PRKG1: variants seen among roughly 807,000 people sequenced by gnomAD.
PRKG1 encodes cGMP-dependent protein kinase 1.
In PRKG1, 35 loss-of-function variants were observed where a neutral mutation model predicts 88.1. The observed-to-expected ratio is 0.40, with a 90% confidence interval of 0.30 to 0.53. PRKG1 has a LOEUF of 0.53. Ranked by LOEUF, PRKG1 falls within the 20% of genes least tolerant of loss-of-function variation. The probability of loss-of-function intolerance (pLI) is 0.59; values close to 1 mark genes in which losing one functional copy is unlikely to be tolerated. For synonymous variants in PRKG1, 303 were observed against 292.5 expected (o/e 1.04, Z -0.37); for missense variants, 540 against 839.8 (o/e 0.64, Z 4.41).
chr10:51,936,170 A>G (rs185425070), intron 5 of PRKG1, among the ~76,000 whole-genome samples: 86 of 151,930 alleles, frequency 5.7e-4, no homozygotes, highest in African/African-American at 2.0e-3. Flanking sequence ...CTTCTGTTCA[A>G]TCTAGTGTGG....
intron 3 of PRKG1, among the ~76,000 whole-genome samples, chr10:51,611,656 T>A (rs1466777289): frequency 1.3e-5 from 2 of 151,910 alleles, no homozygotes. Flanking sequence ...TGTCTATTTT[T>A]TTTTTTTTTG....
intron 3 of PRKG1, among the ~76,000 whole-genome samples, chr10:51,737,738 TTAATTA>T (rs1433941342): frequency 1.4e-4 from 19 of 132,696 alleles, no homozygotes; most frequent in South Asian, 4.9e-4. Context: ...TATTTATTTA[TTAATTA>T]TTATTATTAT....
At chr10:52,129,475 A>G (rs896292378) in intron 7 of PRKG1, among the ~76,000 whole-genome samples, 2 of 152,180 alleles carry the variant, frequency 1.3e-5, no homozygotes, top group Non-Finnish European at 2.9e-5. Flanking sequence ...GTCAAGGATT[A>G]ATATATATGT....
At chr10:51,229,926 CAAAAAAAAAAAAA>C (rs35300789) in intron 2 of PRKG1, among the ~76,000 whole-genome samples, 18 of 33,576 alleles carry the variant, frequency 5.4e-4, no homozygotes, top group Admixed American at 4.5e-3. Context: ...GAGGCGATCT[CAAAAAAAAAAAAA>C]AAAAAAAAAG....
At chr10:51,448,718 A>C (rs1031379396) in intron 2 of PRKG1, among the ~76,000 whole-genome samples, 2 of 151,976 alleles carry the variant, frequency 1.3e-5, no homozygotes, top group Non-Finnish European at 2.9e-5. Flanking sequence ...AAATCTTGGG[A>C]GGTCTGGACA....
At chr10:52,095,705 T>G (rs1050891658) in intron 7 of PRKG1, among the ~76,000 whole-genome samples, 1 of 152,000 alleles carries the variant, frequency 6.6e-6, no homozygotes, top group Admixed American at 6.6e-5. Flanking sequence ...TCCTAAGGAG[T>G]GTGTAGCCTA....
chr10:52,283,314 G>GA (rs1323610086), intron 14 of PRKG1, among the ~76,000 whole-genome samples: 2 of 151,930 alleles, frequency 1.3e-5, no homozygotes, highest in Non-Finnish European at 1.5e-5. Flanking sequence ...AAGGGCAATG[G>GA]AAAAAAAGAG....
chr10:51,243,887 G>A (rs1441683149), intron 2 of PRKG1, among the ~76,000 whole-genome samples: 1 of 152,110 alleles, frequency 6.6e-6, no homozygotes, highest in East Asian at 1.9e-4. Flanking sequence ...CATTTTCCTG[G>A]TTAATTTCTA....
At chr10:51,392,952 T>G (rs1210013) in intron 2 of PRKG1, among the ~76,000 whole-genome samples, 1 of 63,100 alleles carries the variant, frequency 1.6e-5, no homozygotes, top group African/African-American at 4.9e-5. Flanking sequence ...CTGGCCGGGC[T>G]GAGGGCTGAC....
At chr10:51,698,905 A>G (rs1261531461) in intron 3 of PRKG1, 1 of 1,613,936 alleles carries the variant, frequency 6.2e-7, no homozygotes, top group Non-Finnish European at 8.5e-7. Flanking sequence ...GGCCAGGGCC[A>G]GGGCCAGGGC....
intron 1 of PRKG1, among the ~76,000 whole-genome samples, chr10:51,045,337 T>A (rs1589121504): frequency 6.9e-6 from 1 of 145,554 alleles, no homozygotes; most frequent in East Asian, 1.9e-4. Context: ...TTATTTATTT[T>A]TTGAGATGGA....
intron 9 of PRKG1, among the ~76,000 whole-genome samples, chr10:52,207,165 C>T (rs983044599): frequency 7.9e-5 from 12 of 152,218 alleles, no homozygotes; most frequent in South Asian, 6.2e-4. Context: ...GGAGGGGAGG[C>T]GAGGTCTACT....
intron 3 of PRKG1, among the ~76,000 whole-genome samples, chr10:51,506,364 A>C (rs1261853103): frequency 6.6e-6 from 1 of 152,156 alleles, no homozygotes; most frequent in Admixed American, 6.5e-5. Flanking sequence ...CAGAGTGAAC[A>C]GGCAACCTAC....
intron 2 of PRKG1, among the ~76,000 whole-genome samples, chr10:51,165,580 A>C (rs549163665): frequency 1.3e-5 from 2 of 152,290 alleles, no homozygotes; most frequent in South Asian, 4.1e-4. Flanking sequence ...TAAATGCTCC[A>C]ATTAAAAGAC....
chr10:52,293,330 T>A (rs544406920), intron 17 of PRKG1, among the ~76,000 whole-genome samples: 2 of 151,388 alleles, frequency 1.3e-5, no homozygotes, highest in East Asian at 1.9e-4. Context: ...AAAATGGCCA[T>A]ACTGCCCAAG....
At chr10:52,167,920 C>T (rs1440133076) in intron 9 of PRKG1, among the ~76,000 whole-genome samples, 1 of 152,104 alleles carries the variant, frequency 6.6e-6, no homozygotes, top group Non-Finnish European at 1.5e-5. Context: ...CTTCTCTTGT[C>T]AAAATCTATG....
chr10:52,187,129 CAATT>C (rs1264732254), intron 9 of PRKG1, among the ~76,000 whole-genome samples: 2 of 152,078 alleles, frequency 1.3e-5, no homozygotes, highest in African/African-American at 4.8e-5. Flanking sequence ...GATTATCAGA[CAATT>C]AATTCACTTG....
At position 51,132,958 on chromosome 10, in the gene PRKG1, C is replaced by T. The variant is rs540798152; in HGVS notation, c.312-20206C>T. On this transcript the variant is annotated intron_variant, in intron 1 of 17. Transcript: ENST00000373980. ...TTGTTAATCAAAAAATGCATATGGTCGAGTACTGGCTGAGATCTACTAAAT... is the reference window on the plus strand; with the variant it reads ...TTGTTAATCAAAAAATGCATATGGTTGAGTACTGGCTGAGATCTACTAAAT... 8.0e-4 allele frequency among the ~76,000 whole-genome samples: 122 copies of T among 152,036 alleles called. 1 individual carries two copies. In the Middle Eastern group the frequency reaches 0.02, roughly 25 times the overall value.
intron 3 of PRKG1, among the ~76,000 whole-genome samples, chr10:51,643,072 C>T (rs1422227551): frequency 6.6e-6 from 1 of 151,964 alleles, no homozygotes; most frequent in East Asian, 1.9e-4. Context: ...TAATGATAGA[C>T]ACTGTGATTT....
Sources: gnomAD v4.1 joint callset for allele counts (sites outside exome capture counted in the v4.1 genomes callset) on GRCh38, gnomAD v4.1.1 for gene constraint, MANE v1.5 for transcripts, NCBI Gene and HGNC (gene_info 2026-07-23, HGNC 2026-07-21) for gene names.